CHODL: variants seen among roughly 807,000 people sequenced by gnomAD.
CHODL encodes transmembrane protein MT75.
Under a neutral mutation model 34.5 loss-of-function variants are expected in CHODL, and 29 were observed. That is an observed-to-expected ratio of 0.84 (90% CI 0.63 to 1.15). The LOEUF (loss-of-function observed/expected upper bound fraction) is 1.15, where lower values mean the gene tolerates loss of function less well. CHODL is among the 50% of genes most tolerant of loss of function. The probability of loss-of-function intolerance (pLI) is 0.00; values close to 1 mark genes in which losing one functional copy is unlikely to be tolerated. For synonymous variants in CHODL, 125 were observed against 116.1 expected (o/e 1.08, Z -0.49); for missense variants, 332 against 332.5 (o/e 1.00, Z 0.01).
At chr21:18,195,183 T>A (rs1291218011) in intron 2 of CHODL, among the ~76,000 whole-genome samples, 1 of 151,942 alleles carries the variant, frequency 6.6e-6, no homozygotes, top group Non-Finnish European at 1.5e-5. Context: ...GCCTCCTGAG[T>A]AGCTGGGACT....
At chr21:18,145,951 T>G (rs1418537441) in intron 2 of CHODL, among the ~76,000 whole-genome samples, 2 of 150,728 alleles carry the variant, frequency 1.3e-5, no homozygotes, top group Non-Finnish European at 2.9e-5. Context: ...GTTTATTTTT[T>G]GGTTTTGTTT....
At chr21:18,082,796 G>A (rs1412915956) in intron 2 of CHODL, among the ~76,000 whole-genome samples, 1 of 152,122 alleles carries the variant, frequency 6.6e-6, no homozygotes, top group African/African-American at 2.4e-5. Context: ...ATGTGGCCTG[G>A]CTGCTCCTAA....
At chr21:18,151,828 T>TG (rs1177273292) in intron 2 of CHODL, among the ~76,000 whole-genome samples, 1 of 152,182 alleles carries the variant, frequency 6.6e-6, no homozygotes, top group African/African-American at 2.4e-5. Context: ...CTGTGTTGAC[T>TG]GTTGTGGTTG....
At chr21:18,042,438 A>G (rs1270652604) in intron 2 of CHODL, among the ~76,000 whole-genome samples, 2 of 151,998 alleles carry the variant, frequency 1.3e-5, no homozygotes, top group Admixed American at 6.6e-5. Flanking sequence ...TTATAGAATT[A>G]TAAATCAGAA....
chr21:18,004,681 G>T (rs2146404465), intron 1 of CHODL, among the ~76,000 whole-genome samples: 1 of 152,246 alleles, frequency 6.6e-6, no homozygotes, highest in South Asian at 2.1e-4. Flanking sequence ...CAAAGCTCAT[G>T]CAAACTCTTA....
At chr21:18,092,690 G>T (rs1216920315) in intron 2 of CHODL, among the ~76,000 whole-genome samples, 1 of 152,164 alleles carries the variant, frequency 6.6e-6, no homozygotes, top group Admixed American at 6.6e-5. Flanking sequence ...TCCCAAGAAG[G>T]CATGCCTTTT....
chr21:18,174,161 A>ATATATCTTGGTATATATATATAT (rs2073276201), intron 2 of CHODL, among the ~76,000 whole-genome samples: 1 of 85,666 alleles, frequency 1.2e-5, no homozygotes, highest in Non-Finnish European at 3.1e-5. Flanking sequence ...ATATATATAT[A>ATATATCTTGGTATATATATATAT]AAATCAAGTC....
intron 2 of CHODL, among the ~76,000 whole-genome samples, chr21:18,227,342 G>C (rs949445930): frequency 2.0e-5 from 3 of 152,232 alleles, no homozygotes; most frequent in Admixed American, 6.5e-5. Context: ...AACATAAATA[G>C]CTCTGCTATG....
chr21:18,131,796 CA>C (rs1440879749), intron 2 of CHODL, among the ~76,000 whole-genome samples: 5 of 152,106 alleles, frequency 3.3e-5, no homozygotes, highest in Non-Finnish European at 7.4e-5. Context: ...ACCAACACAA[CA>C]GTTAAATTCT....
intron 2 of CHODL, among the ~76,000 whole-genome samples, chr21:18,140,408 A>G (rs975019803): frequency 1.3e-5 from 2 of 152,202 alleles, no homozygotes; most frequent in Non-Finnish European, 2.9e-5. Flanking sequence ...TAACAGGTCT[A>G]ATGGACCACT....
At chr21:18,018,909 C>T (rs2064101341) in intron 1 of CHODL, among the ~76,000 whole-genome samples, 1 of 152,210 alleles carries the variant, frequency 6.6e-6, no homozygotes, top group South Asian at 2.1e-4. Flanking sequence ...AATAGGCACA[C>T]ACCTTGCTTG....
chr21:18,024,655 C>G (rs1304584496), intron 1 of CHODL: 2 of 152,032 alleles, frequency 1.3e-5, no homozygotes, highest in Non-Finnish European at 2.9e-5. Flanking sequence ...AGAGTAGTGG[C>G]CAAATCCACT....
At chr21:18,135,326 C>A (rs1448822649) in intron 2 of CHODL, among the ~76,000 whole-genome samples, 5 of 152,140 alleles carry the variant, frequency 3.3e-5, no homozygotes, top group African/African-American at 1.2e-4. Context: ...TCTTCAGGTT[C>A]CCTACTATGA....
At chr21:18,049,158 G>T (rs987343863) in intron 2 of CHODL, among the ~76,000 whole-genome samples, 1 of 151,950 alleles carries the variant, frequency 6.6e-6, no homozygotes, top group African/African-American at 2.4e-5. Flanking sequence ...AATGGCTGAT[G>T]GTGATACATT....
At chr21:18,172,508 T>G (rs979958798) in intron 2 of CHODL, among the ~76,000 whole-genome samples, 1 of 152,168 alleles carries the variant, frequency 6.6e-6, no homozygotes, top group African/African-American at 2.4e-5. Context: ...GGTAGAGAGA[T>G]AGCTATGGGA....
At chr21:17,945,105 G>A (rs2063395666) in intron 1 of CHODL, among the ~76,000 whole-genome samples, 1 of 151,650 alleles carries the variant, frequency 6.6e-6, no homozygotes, top group Admixed American at 6.6e-5. Flanking sequence ...CCAGCTACTC[G>A]GGAGGCTGAG....
chr21:17,982,216 A>G (rs2063719412), intron 1 of CHODL, among the ~76,000 whole-genome samples: 2 of 152,222 alleles, frequency 1.3e-5, no homozygotes, highest in East Asian at 1.9e-4. Flanking sequence ...TTTGTCAGCT[A>G]CATCCTTCTG....
chr21:18,014,771 C>T lies in CHODL; in HGVS notation c.-144-13101C>T, dbSNP rs7283027. ...AGCTTCCTGAGGTCTCTTCAGAAGG[C>T]GAGCAGAGGCTAATTTCATGCCTCC... On this transcript the variant is annotated intron_variant, in intron 1 of 6. Transcript: ENST00000400127. 1.2e-3 allele frequency among the ~76,000 whole-genome samples: 186 copies of T among 152,312 alleles called. 1 individual carries two copies. Among genetic ancestry groups the T allele is most frequent in the African/African-American group, 4.0e-3 (166 of 41,558 alleles).
At chr21:18,217,844 A>G (rs1236462450) in intron 2 of CHODL, among the ~76,000 whole-genome samples, 1 of 152,160 alleles carries the variant, frequency 6.6e-6, no homozygotes, top group Non-Finnish European at 1.5e-5. Flanking sequence ...GGCCAAAACA[A>G]AGGGGCTACA....
Sources: gnomAD v4.1 joint callset for allele counts (sites outside exome capture counted in the v4.1 genomes callset) on GRCh38, gnomAD v4.1.1 for gene constraint, MANE v1.5 for transcripts, NCBI Gene and HGNC (gene_info 2026-07-23, HGNC 2026-07-21) for gene names.